ARHGAP23: variants seen among roughly 807,000 people sequenced by gnomAD.
The protein encoded by ARHGAP23 is rho GTPase-activating protein 23.
A neutral mutation model predicts 136.3 loss-of-function variants in ARHGAP23; 34 were observed. The ratio of observed to expected loss-of-function variants is 0.25; its 90% CI spans 0.19 to 0.33. The LOEUF (loss-of-function observed/expected upper bound fraction) is 0.33, where lower values mean the gene tolerates loss of function less well. Ranked by LOEUF, ARHGAP23 falls within the 10% of genes least tolerant of loss-of-function variation. The pLI is 1.00. For missense variants in ARHGAP23, 1,808 were observed against 2,139.0 expected, an observed-to-expected ratio of 0.85 and a Z score of 3.05; for synonymous variants, 832 against 920.5, an observed-to-expected ratio of 0.90 and a Z score of 1.74.
At chr17:38,445,675 C>T (rs1437793676) in intron 1 of ARHGAP23, among the ~76,000 whole-genome samples, 1 of 151,144 alleles carries the variant, frequency 6.6e-6, no homozygotes, top group Non-Finnish European at 1.5e-5. Flanking sequence ...TGCTTTGTCA[C>T]CCAGGCTGGA....
chr17:38,511,261 T>G lies in ARHGAP23; in HGVS notation c.*289T>G. 1.1e-5 allele frequency: 4 copies of G among 368,562 alleles called. No individual in the cohort carries two copies. Among genetic ancestry groups the G allele is most frequent in the Non-Finnish European group, 1.9e-5 (4 of 207,510 alleles). The allele number at this position is 368,562 out of a possible 1,614,324, so 22.8% of individuals were successfully genotyped here. On this transcript the variant is annotated 3_prime_UTR_variant, in exon 24 of 24. Coordinates refer to ENST00000622683, the MANE Select transcript of ARHGAP23 (RefSeq NM_001199417.2). ...CACACATGCGCCCGATAGGTCCTTCTGAGCCTTTCTGTGGCTGCACTTGGG... is the reference window on the plus strand; with the variant it reads ...CACACATGCGCCCGATAGGTCCTTCGGAGCCTTTCTGTGGCTGCACTTGGG...
rs2039444719 is a variant in ARHGAP23, at chr17:38,460,916, T to C, written c.237T>C (p.Asn79=). The change falls in exon 3 of 24, where the codon AAT becomes AAC. Residue 79 remains asparagine, a synonymous_variant. Transcript: ENST00000622683. ...AVHCSLKEEE[N]GGRGGGPSPR... is the part of the protein sequence containing the mutation. ...TCTGTTCCCTGCAGGAGGAAGAGAATGGAGGCCGTGGAGGAGGTAAGGGAG... is the reference window on the plus strand; with the variant it reads ...TCTGTTCCCTGCAGGAGGAAGAGAACGGAGGCCGTGGAGGAGGTAAGGGAG... 2 of 1,535,992 alleles carry C rather than the reference T, an allele frequency of 1.3e-6. No individual in the cohort carries two copies. Among genetic ancestry groups the C allele is most frequent in the East Asian group, 4.9e-5 (2 of 40,906 alleles).
At chr17:38,440,938 T>C (rs1413086143) in intron 1 of ARHGAP23, among the ~76,000 whole-genome samples, 2 of 152,166 alleles carry the variant, frequency 1.3e-5, no homozygotes, top group African/African-American at 2.4e-5. Context: ...TACCACGACC[T>C]TTAGAGGCCT....
intron 1 of ARHGAP23, chr17:38,453,746 C>T (rs1794521057): frequency 3.4e-5 from 5 of 147,866 alleles, no homozygotes; most frequent in Admixed American, 3.3e-4. Context: ...CTGCCGCCGT[C>T]CGCGCGGGCC....
chr17:38,456,452 C>A (rs937863137), intron 1 of ARHGAP23, among the ~76,000 whole-genome samples: 4 of 152,210 alleles, frequency 2.6e-5, no homozygotes, highest in Non-Finnish European at 4.4e-5. Context: ...GCTTCTTCCT[C>A]CACACCCAGC....
chr17:38,428,471 C>T lies in ARHGAP23; in HGVS notation c.-15C>T, dbSNP rs754830143. On this transcript the variant is annotated 5_prime_UTR_variant, in exon 1 of 24. Transcript: ENST00000622683. ...CCCAGCCGTGCCCCGGCCGCAGAGC[C>T]GCCGCTGCCACCCGATGAATGGAGT... 3 of 1,434,420 alleles carry T rather than the reference C, an allele frequency of 2.1e-6. No individual in the cohort carries two copies. In the South Asian group the frequency reaches 4.1e-5, roughly 20 times the overall value. The allele number at this position is 1,434,420 out of a possible 1,614,324, so 88.9% of individuals were successfully genotyped here. A position where few individuals can be genotyped will look rare whatever the true frequency, so the allele number is the denominator to read the frequency against.
intron 23 of ARHGAP23, among the ~76,000 whole-genome samples, chr17:38,506,717 CCACCTTCACCTAAACCTAATTATCTCT>C (rs1346926037): frequency 1.3e-5 from 2 of 152,176 alleles, no homozygotes; most frequent in African/African-American, 4.8e-5. Context: ...TCAAAAGGTC[CCACCTTCACCTAAACCTAATTATCTCT>C]CAAAGGCTCC....
At chr17:38,442,892 G>A (rs1404526662) in intron 1 of ARHGAP23, among the ~76,000 whole-genome samples, 3 of 152,306 alleles carry the variant, frequency 2.0e-5, no homozygotes, top group South Asian at 4.1e-4. Context: ...GCTTGGAGCA[G>A]GGCAATGGTG....
chr17:38,447,888 C>A (rs543630810), intron 1 of ARHGAP23, among the ~76,000 whole-genome samples: 1 of 152,236 alleles, frequency 6.6e-6, no homozygotes, highest in Non-Finnish European at 1.5e-5. Flanking sequence ...GCTGGCTAGA[C>A]GCACCCTTTT....
chr17:38,436,389 AC>A (rs200062529), intron 1 of ARHGAP23, among the ~76,000 whole-genome samples: 2 of 132,128 alleles, frequency 1.5e-5, no homozygotes, highest in East Asian at 4.7e-4. Flanking sequence ...AGCTACCCCT[AC>A]CCCCCCAAAA....
intron 17 of ARHGAP23, among the ~76,000 whole-genome samples, chr17:38,487,426 G>A (rs2040184001): frequency 6.6e-6 from 1 of 152,216 alleles, no homozygotes; most frequent in South Asian, 2.1e-4. Flanking sequence ...ATTCTTAGAT[G>A]TAGAATTGCT....
At chr17:38,503,121 G>A (rs1231201491) in intron 23 of ARHGAP23, among the ~76,000 whole-genome samples, 1 of 152,226 alleles carries the variant, frequency 6.6e-6, no homozygotes, top group East Asian at 1.9e-4. Context: ...ATCCAGGTGA[G>A]AGACAGAGAG....
At chr17:38,432,060 G>T (rs1171793488) in intron 1 of ARHGAP23, among the ~76,000 whole-genome samples, 1 of 152,166 alleles carries the variant, frequency 6.6e-6, no homozygotes, top group South Asian at 2.1e-4. Context: ...GAACAGCCCC[G>T]CCTGTGGCCC....
rs1334486918 is a variant in ARHGAP23, at chr17:38,498,441, G to T, written c.3346G>T (p.Ala1116Ser). The change falls in exon 22 of 24, where the codon GCA becomes TCA. Residue 1116 changes from alanine to serine, a missense_variant. Physicochemically the swap from Ala to Ser is moderately conservative, Grantham distance 99. This residue lies in a region of ARHGAP23 where 104 missense variants were observed against 131.8 expected (regional missense o/e 0.79). Transcript: ENST00000622683. ...RTPVGDKEPQ[A>S]VPNIEYLLPN... The stretch of plus-strand genomic sequence containing the variant: ...CCCTGTGGGCGACAAGGAGCCTCAG[G>T]CAGTGCCCAACATTGAGTACCTCCT... The T allele has an allele frequency of 6.5e-7, 1 of 1,548,368 alleles. No homozygotes were observed. The highest frequency in any genetic ancestry group is 8.7e-7 in the Non-Finnish European group (1 of 1,146,188).
chr17:38,480,040 G>T (rs991356075), intron 14 of ARHGAP23, among the ~76,000 whole-genome samples, 157 bp downstream of exon 14: 3 of 152,006 alleles, frequency 2.0e-5, no homozygotes, highest in Admixed American at 6.5e-5. Flanking sequence ...GCCTGTGAGG[G>T]TCTAGGGGCT....
intron 1 of ARHGAP23, among the ~76,000 whole-genome samples, chr17:38,432,253 C>T (rs1281273099): frequency 1.3e-5 from 2 of 152,226 alleles, no homozygotes; most frequent in Non-Finnish European, 2.9e-5. Context: ...GAAACTGACA[C>T]AGGCCGGGTA....
At position 38,464,354 on chromosome 17, in the gene ARHGAP23, C is replaced by T. The variant is rs540569006; in HGVS notation, c.483+972C>T. Among the ~76,000 whole-genome samples the T allele has an allele frequency of 4.6e-5, 7 of 152,308 alleles. No homozygotes were observed. In the East Asian group the frequency reaches 1.3e-3, roughly 29 times the overall value. ...CTTTGTGCCTGGAGCCCCGGCGGTC[C>T]GCTTTGCCCAGTGCCCACCTCCCTG... On this transcript the variant is annotated intron_variant, in intron 6 of 23. Transcript: ENST00000622683.
At position 38,473,392 on chromosome 17, in the gene ARHGAP23, AC is replaced by A. The variant is rs546741424; in HGVS notation, c.2118+1388del. 2.6e-5 allele frequency among the ~76,000 whole-genome samples: 4 copies of A among 152,118 alleles called. No individual in the cohort carries two copies. The East Asian group carries it at 7.8e-4, about 29-fold the overall frequency. On this transcript the variant is annotated intron_variant, in intron 11 of 23. Coordinates refer to ENST00000622683, the MANE Select transcript of ARHGAP23 (RefSeq NM_001199417.2). ...GCACGTGGCTTTGGGCACCCCACTT[AC>A]CTTCCCTGAGCCTCACTTTCTGATC...
chr17:38,422,950 T>C (rs1265887910), intron 1 of ARHGAP23, among the ~76,000 whole-genome samples: 1 of 152,194 alleles, frequency 6.6e-6, no homozygotes, highest in Non-Finnish European at 1.5e-5. Context: ...CTCTCCCTCC[T>C]TTCTCTGACG....
Sources: allele counts gnomAD v4.1 joint callset (sites outside exome capture counted in the v4.1 genomes callset), GRCh38; gene constraint gnomAD v4.1.1; regional missense constraint gnomAD v4.1.1; transcripts MANE v1.5; gene names NCBI Gene and HGNC (gene_info 2026-07-23, HGNC 2026-07-21).